FAAH2: variants seen among roughly 807,000 people sequenced by gnomAD.
FAAH2 encodes fatty-acid amide hydrolase 2.
In FAAH2, 60 loss-of-function variants were observed where a neutral mutation model predicts 36.9. The observed-to-expected ratio is 1.63, with a 90% CI of 1.32 to 2.02. The LOEUF is 2.02. Among genes scored for constraint, FAAH2 ranks in the 30% most tolerant of loss-of-function variants. The pLI is 0.00. For missense variants in FAAH2, 689 were observed against 397.5 expected, an observed-to-expected ratio of 1.73 and a Z score of -6.23; for synonymous variants, 214 against 143.8, an observed-to-expected ratio of 1.49 and a Z score of -3.49.
chrX:57,412,853 G>T (rs897745934), intron 7 of FAAH2, among the ~76,000 whole-genome samples: 1 of 111,896 alleles, frequency 8.9e-6, no homozygotes. Flanking sequence ...CTGTAAAAGC[G>T]TTCCTATTTC....
chrX:57,335,614 G>T (rs1227272605), intron 4 of FAAH2, among the ~76,000 whole-genome samples: 2 of 112,306 alleles, frequency 1.8e-5, no homozygotes, highest in Admixed American at 1.9e-4. Flanking sequence ...ATTGCCCAGG[G>T]ATGAGCAGGA....
intron 7 of FAAH2, chrX:57,392,781 C>T (rs934386257): frequency 1.1e-5 from 7 of 623,569 alleles, no homozygotes; most frequent in African/African-American, 1.1e-4. Context: ...ATGGATGTTG[C>T]GAATGGGCAG....
At chrX:57,381,101 C>A in intron 7 of FAAH2, 72 bp downstream of exon 7, 1 of 742,134 alleles carries the variant, frequency 1.3e-6, no homozygotes, top group Non-Finnish European at 2.0e-6. Context: ...CTTTACTTCA[C>A]TTACTGCCAA....
chrX:57,245,185 T>C, the FAAH2 span, among the ~76,000 whole-genome samples: 1 of 111,743 alleles, frequency 8.9e-6, no homozygotes, highest in African/African-American at 3.3e-5. Flanking sequence ...GAGCTAACTA[T>C]CCTAAGTATA....
intron 8 of FAAH2, among the ~76,000 whole-genome samples, chrX:57,446,393 T>A (rs1284749352): frequency 6.2e-5 from 7 of 112,446 alleles, no homozygotes; most frequent in Admixed American, 5.6e-4. Flanking sequence ...GCCATCCTGC[T>A]CTGCCTACAC....
At chrX:57,402,642 G>T (rs1467308027) in intron 7 of FAAH2, among the ~76,000 whole-genome samples, 2 of 111,823 alleles carry the variant, frequency 1.8e-5, no homozygotes, top group Admixed American at 9.4e-5. Context: ...CTTCCTCAAT[G>T]CCTCCCTTTG....
At chrX:57,319,090 A>G (rs1228434102) in intron 3 of FAAH2, among the ~76,000 whole-genome samples, 1 of 112,123 alleles carries the variant, frequency 8.9e-6, no homozygotes, top group Non-Finnish European at 1.9e-5. Flanking sequence ...AACTGGAAGC[A>G]TTCCCTTTGA....
At chrX:57,466,064 GCACACATAAAAA>G in intron 10 of FAAH2, among the ~76,000 whole-genome samples, 2 of 101,517 alleles carry the variant, frequency 2.0e-5, no homozygotes, top group Middle Eastern at 0.012. Flanking sequence ...TCATACACAC[GCACACATAAAAA>G]CACATACATA....
chrX:57,233,820 T>C, the FAAH2 span, among the ~76,000 whole-genome samples: 1 of 112,351 alleles, frequency 8.9e-6, no homozygotes, highest in Non-Finnish European at 1.9e-5. Flanking sequence ...TATTTCATGA[T>C]ATTTTGTGGA....
At chrX:57,218,239 A>G in the FAAH2 span, among the ~76,000 whole-genome samples, 1 of 111,637 alleles carries the variant, frequency 9.0e-6, no homozygotes, top group South Asian at 3.8e-4. Context: ...ACTATGATGA[A>G]GAGGAGTGGT....
intron 10 of FAAH2, among the ~76,000 whole-genome samples, chrX:57,451,562 G>A (rs746018960): frequency 1.8e-5 from 2 of 111,273 alleles, no homozygotes; most frequent in South Asian, 7.6e-4. Context: ...TCCTGAAGGA[G>A]AACTAGAAAT....
chrX:57,428,053 G>A (rs1476100221), intron 7 of FAAH2, among the ~76,000 whole-genome samples: 3 of 111,595 alleles, frequency 2.7e-5, no homozygotes, highest in African/African-American at 9.7e-5. Flanking sequence ...ATTCAGTAAA[G>A]TTTCAGGATA....
intron 3 of FAAH2, among the ~76,000 whole-genome samples, chrX:57,325,773 C>T (rs1216882578): frequency 5.6e-5 from 3 of 53,297 alleles, no homozygotes; most frequent in South Asian, 1.3e-3. Context: ...TTTTGTTGAT[C>T]TTTTCAAAAA....
At chrX:57,123,854 G>T in the FAAH2 span, among the ~76,000 whole-genome samples, 1 of 111,623 alleles carries the variant, frequency 9.0e-6, no homozygotes, top group Non-Finnish European at 1.9e-5. Flanking sequence ...GGGGTTGTTT[G>T]TTTTTTTCTT....
chrX:57,434,083 A>ATTT (rs771256980), intron 8 of FAAH2, among the ~76,000 whole-genome samples: 4 of 94,117 alleles, frequency 4.3e-5, no homozygotes, highest in Admixed American at 1.2e-4. Flanking sequence ...AATTAAATTG[A>ATTT]TTTTTTTTTT....
the FAAH2 span, among the ~76,000 whole-genome samples, chrX:57,255,816 A>G: frequency 8.9e-6 from 1 of 111,828 alleles, no homozygotes; most frequent in African/African-American, 3.3e-5. Context: ...CACAACCGAT[A>G]TCATATCAAA....
In FAAH2 at chrX:57,448,681, T is replaced by A. The variant is rs1423143964; in HGVS notation, c.1386T>A (p.His462Gln). The A allele has an allele frequency of 8.3e-7, 1 of 1,211,520 alleles. No homozygotes were observed. The change falls in exon 10 of 11, where the codon CAT (histidine) becomes CAA (glutamine). Residue 462 changes from histidine (H) to glutamine (Q), a missense_variant. Coordinates refer to ENST00000374900, the MANE Select transcript of FAAH2 (RefSeq NM_174912.4). ...PSHPTVAPKH[H>Q]VPLTRPFNFA... ...ATCCCACAGTGGCACCTAAGCATCA[T>A]GTCCCTCTAACACGGCCTTTCAACT...
chrX:57,186,490 A>C, the FAAH2 span, among the ~76,000 whole-genome samples: 3 of 111,649 alleles, frequency 2.7e-5, no homozygotes, highest in Non-Finnish European at 3.8e-5. Flanking sequence ...AAATTGCAAA[A>C]ATTTTCTCCT....
At chrX:57,207,371 G>A in the FAAH2 span, among the ~76,000 whole-genome samples, 1 of 111,703 alleles carries the variant, frequency 9.0e-6, no homozygotes, top group Admixed American at 9.5e-5. Context: ...GAATTGAATG[G>A]GTTGAATTGG....
Sources: gnomAD v4.1 joint callset for allele counts (sites outside exome capture counted in the v4.1 genomes callset) on GRCh38, gnomAD v4.1.1 for gene constraint, MANE v1.5 for transcripts, NCBI Gene and HGNC (gene_info 2026-07-23, HGNC 2026-07-21) for gene names.